The following FOXR1 variants were observed in gnomAD, a reference collection of about 807,000 sequenced individuals.
The protein encoded by FOXR1 is forkhead box protein R1.
A neutral mutation model predicts 34.5 loss-of-function variants in FOXR1; 25 were observed. The ratio of observed to expected loss-of-function variants is 0.72; its 90% confidence interval spans 0.53 to 1.01. FOXR1 has a LOEUF of 1.01. Among genes scored for constraint, FOXR1 ranks in the 50% least tolerant of loss-of-function variants. The pLI, the probability that FOXR1 is intolerant of heterozygous loss-of-function variation, is 0.00. For missense variants in FOXR1, 373 were observed against 376.2 expected, an observed-to-expected ratio of 0.99 and a Z score of 0.07; for synonymous variants, 153 against 141.6, an observed-to-expected ratio of 1.08 and a Z score of -0.57.
chr11:118,979,688 C>A lies in FOXR1; in HGVS notation c.611+20C>A. On this transcript the variant is annotated intron_variant, in intron 4 of 5. Coordinates refer to ENST00000317011, the MANE Select transcript of FOXR1 (RefSeq NM_181721.3). ...CACTCGGTATGTGCCGGGGGCCCTG[C>A]GAGGAGGGGGAAGTGGGGGCCAGGG... 6.4e-7 allele frequency: 1 copy of A among 1,554,498 alleles called. No homozygotes were observed. The highest frequency in any genetic ancestry group is 1.4e-5 in the African/African-American group (1 of 73,000).
At chr11:118,974,696 G>T (rs1941757634) in intron 1 of FOXR1, among the ~76,000 whole-genome samples, 1 of 152,174 alleles carries the variant, frequency 6.6e-6, no homozygotes, top group Non-Finnish European at 1.5e-5. Context: ...AGTAGACTGT[G>T]GATGTACAGA....
Position 118,979,583 on chromosome 11 carries a change from C to T in FOXR1, c.526C>T (p.Leu176Phe), listed in dbSNP as rs782736164. ...GGGGAGGCTCTGGTCCCGGCCCCCT[C>T]TCAATTACTTCCACCTAATTGCCCT... Reference protein sequence around the residue: ...QAGRLWSRPPLNYFHLIALAL... With the variant: ...QAGRLWSRPPFNYFHLIALAL... The change falls in exon 4 of 6, where the codon CTC becomes TTC. Residue 176 changes from leucine (L) to phenylalanine (F), a missense_variant. Leu to Phe is a conservative substitution (Grantham distance 22, BLOSUM62 0). Transcript: ENST00000317011. 6.2e-7 allele frequency: 1 copy of T among 1,612,968 alleles called. No homozygotes were observed. The highest frequency in any genetic ancestry group is 1.1e-5 in the South Asian group (1 of 90,772).
At position 118,979,156 on chromosome 11, in the gene FOXR1, G is replaced by A; in HGVS notation, c.336G>A (p.Lys112=). The change falls in exon 3 of 6, where the codon AAG becomes AAA. Residue 112 remains lysine, a synonymous_variant. Coordinates refer to ENST00000317011, the MANE Select transcript of FOXR1 (RefSeq NM_181721.3). ...AATCACTGTCCCAGTCCTCCAGCAA[G>A]CGGTCTCCCCCTCGGAAGCGGTTTG... ...GVESLSQSSS[K]RSPPRKRFAF... is the part of the protein sequence containing the mutation. 6.4e-7 allele frequency: 1 copy of A among 1,566,604 alleles called. No homozygotes were observed.
intron 1 of FOXR1, among the ~76,000 whole-genome samples, chr11:118,976,710 T>A (rs1042951897): frequency 6.6e-6 from 1 of 152,242 alleles, no homozygotes; most frequent in Admixed American, 6.5e-5. Flanking sequence ...TACACAGAAC[T>A]GCAGTAAAAT....
At chr11:118,977,033 G>A (rs1209720911) in intron 1 of FOXR1, among the ~76,000 whole-genome samples, 1 of 152,056 alleles carries the variant, frequency 6.6e-6, no homozygotes, top group East Asian at 1.9e-4. Flanking sequence ...TTTTTACTAT[G>A]TTAGAACTTT....
At chr11:118,981,006 C>T (rs1020693425) in intron 5 of FOXR1, among the ~76,000 whole-genome samples, 3 of 152,190 alleles carry the variant, frequency 2.0e-5, no homozygotes, top group Non-Finnish European at 1.5e-5. Context: ...AGTGAGCACA[C>T]AACATGAGAA....
rs151253979 is a variant in FOXR1, at chr11:118,971,993, G to A, written c.61+1G>A. 3.9e-6 allele frequency: 6 copies of A among 1,546,754 alleles called. No individual in the cohort carries two copies. Among genetic ancestry groups the A allele is most frequent in the Non-Finnish European group, 5.2e-6 (6 of 1,144,304 alleles). On this transcript the variant is annotated splice_donor_variant, in intron 1 of 5. Coordinates refer to ENST00000317011, the MANE Select transcript of FOXR1 (RefSeq NM_181721.3). LOFTEE classifies it high-confidence loss of function. Reference sequence around the variant, plus strand: ...CACCTCCCCTTAGCGGAGCAGAAACGTGAGTAGCGGGTGGGGTGAGGTGGG... The same window carrying A: ...CACCTCCCCTTAGCGGAGCAGAAACATGAGTAGCGGGTGGGGTGAGGTGGG...
chr11:118,981,167 T>C (rs782440094), intron 5 of FOXR1, 41 bp from the exon 6 acceptor site: 4 of 1,608,140 alleles, frequency 2.5e-6, no homozygotes, highest in East Asian at 2.2e-5. Flanking sequence ...GAAACAGCAA[T>C]TGTGAAGTAT....
rs782349904 is a variant in FOXR1, at chr11:118,980,549, ATC to A, written c.675_676del (p.Cys226PhefsTer6). ...GGCTGGAAGAATACTGTCCGTCACA[ATC>A]TCTGTTTTCGAGACAGCTTTGAGAA... On this transcript the variant is annotated frameshift_variant, in exon 5 of 6. Coordinates refer to ENST00000317011, the MANE Select transcript of FOXR1 (RefSeq NM_181721.3). LOFTEE classifies it high-confidence loss of function. 4.3e-6 allele frequency: 7 copies of A among 1,614,048 alleles called. No individual in the cohort carries two copies. The highest frequency in any genetic ancestry group is 1.3e-5 in the African/African-American group (1 of 74,922).
At chr11:118,972,165 G>T (rs1283303341) in intron 1 of FOXR1, among the ~76,000 whole-genome samples, 173 bp downstream of exon 1, 4 of 115,518 alleles carry the variant, frequency 3.5e-5, no homozygotes, top group South Asian at 3.3e-4. Flanking sequence ...CGCCGCCCCC[G>T]CTCCACCCCC....
At position 118,977,109 on chromosome 11, in the gene FOXR1, C is replaced by T. The variant is rs189621749; in HGVS notation, c.62-1673C>T. 2.3e-4 allele frequency among the ~76,000 whole-genome samples: 35 copies of T among 152,238 alleles called. 1 individual carries two copies. The East Asian group carries it at 6.7e-3, about 29-fold the overall frequency. On this transcript the variant is annotated intron_variant, in intron 1 of 5. Transcript: ENST00000317011. ...GTAGTGGCACGATCTCAGCTCACTG[C>T]AACTTCTGCCTCCCAGGTTCAAGTG...
intron 1 of FOXR1, 138 bp from the exon 2 acceptor site, chr11:118,978,644 C>T (rs1004499029): frequency 8.4e-6 from 7 of 833,556 alleles, no homozygotes; most frequent in South Asian, 6.0e-5. Context: ...AGGGAAAACC[C>T]GTAGAAGTAG....
At chr11:118,972,047 G>T in intron 1 of FOXR1, 55 bp downstream of exon 1, 1 of 1,433,116 alleles carries the variant, frequency 7.0e-7, no homozygotes, top group Non-Finnish European at 9.3e-7. Context: ...GGTGGCCTAG[G>T]GGCTCGCGGG....
chr11:118,979,491 C>T lies in FOXR1; in HGVS notation c.434C>T (p.Ala145Val). ...GACCAGGAAGACAGCTCCTCTATGG[C>T]TCTCCCATCCCCTCACAAAAGGGCC... ...AEDQEDSSSMALPSPHKRAPL... is the reference protein window; with the variant it reads ...AEDQEDSSSMVLPSPHKRAPL... Residue 145 changes from alanine (A) to valine (V), a missense_variant, in exon 4 of 6, where the codon GCT (alanine) becomes GTT (valine). By Grantham distance (64) the Ala-to-Val change is moderately conservative. Coordinates refer to ENST00000317011, the MANE Select transcript of FOXR1 (RefSeq NM_181721.3). 1 of 1,612,984 alleles carries T rather than the reference C, an allele frequency of 6.2e-7. No individual in the cohort carries two copies. The highest frequency in any genetic ancestry group is 8.5e-7 in the Non-Finnish European group (1 of 1,179,416).
chr11:118,976,638 C>CA (rs1941783461), intron 1 of FOXR1, among the ~76,000 whole-genome samples: 1 of 152,194 alleles, frequency 6.6e-6, no homozygotes, highest in Non-Finnish European at 1.5e-5. Context: ...CAGGAGCAGA[C>CA]AGTAAGGTCG....
chr11:118,977,416 T>C (rs1041421695), intron 1 of FOXR1, among the ~76,000 whole-genome samples: 3 of 152,152 alleles, frequency 2.0e-5, no homozygotes, highest in Admixed American at 2.0e-4. Context: ...GTATGTATTA[T>C]AAGTCTTTGT....
intron 1 of FOXR1, among the ~76,000 whole-genome samples, 159 bp downstream of exon 1, chr11:118,972,151 G>A (rs1457468553): frequency 1.2e-4 from 17 of 137,468 alleles, no homozygotes; most frequent in African/African-American, 3.4e-4. Context: ...CGACGGCTTA[G>A]CTCCGCCGCC....
rs1157900402 is a variant in FOXR1 at position 118,978,977 on chromosome 11, C to G, written c.157C>G (p.Leu53Val). 5 of 1,604,924 alleles carry G rather than the reference C, an allele frequency of 3.1e-6. No individual in the cohort carries two copies. The African/African-American group carries it at 5.4e-5, about 17-fold the overall frequency. The change falls in exon 3 of 6, where the codon CTC becomes GTC. Residue 53 changes from leucine to valine, a missense_variant. Leu to Val is a conservative substitution (Grantham distance 32, BLOSUM62 1). Transcript: ENST00000317011. ...DKDGPDYEPN[L>V]WMWVNPNIVY... The stretch of plus-strand genomic sequence containing the variant: ...CACAGGTCCAGATTATGAGCCCAAC[C>G]TCTGGATGTGGGTAAATCCCAACAT...
rs78044850 is a variant in FOXR1 at position 118,979,003 on chromosome 11, T to C, written c.183T>C (p.Ile61=). ...TCTGGATGTGGGTAAATCCCAACAT[T>C]GTGTATCCCCCTGGAAAGCTGGAGG... The part of the protein sequence containing the change: ...PNLWMWVNPN[I]VYPPGKLEVS... The change falls in exon 3 of 6, where the codon ATT becomes ATC. Residue 61 remains isoleucine (I), a synonymous_variant. Coordinates refer to ENST00000317011, the MANE Select transcript of FOXR1 (RefSeq NM_181721.3). The C allele has an allele frequency of 4.4e-3, 7,034 of 1,601,940 alleles. 260 individuals are homozygous for C. In the African/African-American group the frequency reaches 0.083, roughly 19 times the overall value.
Sources: allele counts gnomAD v4.1 joint callset (sites outside exome capture counted in the v4.1 genomes callset), GRCh38; gene constraint gnomAD v4.1.1; transcripts MANE v1.5; gene names NCBI Gene and HGNC (gene_info 2026-07-23, HGNC 2026-07-21).